ATP8A1: variants seen among roughly 807,000 people sequenced by gnomAD.
ATP8A1 encodes phospholipid-transporting ATPase IA.
Under a neutral mutation model 177.7 loss-of-function variants are expected in ATP8A1, and 90 were observed. The observed-to-expected ratio is 0.51, with a 90% confidence interval of 0.43 to 0.60. The LOEUF is 0.60. Ranked by LOEUF, ATP8A1 falls within the 20% of genes least tolerant of loss-of-function variation. The probability of loss-of-function intolerance (pLI) is 0.00; values close to 1 mark genes in which losing one functional copy is unlikely to be tolerated. For synonymous variants in ATP8A1, 493 were observed against 485.9 expected (o/e 1.01, Z -0.19); for missense variants, 1,072 against 1,392.8 (o/e 0.77, Z 3.67).
Position 42,507,046 on chromosome 4 carries a change from C to T in ATP8A1, c.2056G>A (p.Gly686Arg), listed in dbSNP as rs771579188. The T allele has an allele frequency of 1.2e-6, 2 of 1,614,084 alleles. No individual in the cohort carries two copies. The highest frequency in any genetic ancestry group is 1.7e-6 in the Non-Finnish European group (2 of 1,179,968). The change falls in exon 23 of 37, where the codon GGG becomes AGG. Residue 686 changes from glycine (G) to arginine (R), a missense_variant. Physicochemically the swap from Gly to Arg is moderately radical, Grantham distance 125. Around this residue, in one of 5 missense-constraint regions of ATP8A1, gnomAD observed 388 missense variants for 471.7 expected, o/e 0.82. Transcript: ENST00000381668. ...KADIKIWILTGDKQETAINIG... is the reference protein window; with the variant it reads ...KADIKIWILTRDKQETAINIG... ...TTAATGGCAGTTTCTTGCTTGTCCC[C>T]TGTAAGGATCCAGATTTTGATGTCT...
At chr4:42,591,843 A>G in intron 6 of ATP8A1, among the ~76,000 whole-genome samples, 1 of 152,184 alleles carries the variant, frequency 6.6e-6, no homozygotes, top group Non-Finnish European at 1.5e-5. Context: ...AAAATTGAAA[A>G]TTAAAATATT....
At chr4:42,647,246 T>C (rs1330508421) in intron 1 of ATP8A1, among the ~76,000 whole-genome samples, 1 of 152,210 alleles carries the variant, frequency 6.6e-6, no homozygotes, top group South Asian at 2.1e-4. Flanking sequence ...CAAGCTTACT[T>C]TGAGCTATGG....
At chr4:42,471,965 A>C in intron 25 of ATP8A1, 2 of 698,154 alleles carry the variant, frequency 2.9e-6, no homozygotes, top group South Asian at 2.7e-5. Flanking sequence ...AAAGAGCCTA[A>C]GTTGGTGGTG....
intron 1 of ATP8A1, among the ~76,000 whole-genome samples, chr4:42,643,428 T>C (rs1463165025): frequency 6.6e-6 from 1 of 152,222 alleles, no homozygotes; most frequent in African/African-American, 2.4e-5. Context: ...CCCAGTGTTT[T>C]CTATTTCGGT....
intron 29 of ATP8A1, among the ~76,000 whole-genome samples, chr4:42,453,056 A>G (rs1718103474): frequency 6.6e-6 from 1 of 152,166 alleles, no homozygotes; most frequent in Admixed American, 6.5e-5. Flanking sequence ...TCTTCTCCTC[A>G]CTGTGTCATT....
Position 42,503,500 on chromosome 4 carries a change from G to A in ATP8A1, c.2101C>T (p.Leu701=). 6.2e-7 allele frequency: 1 copy of A among 1,605,226 alleles called. No homozygotes were observed. The highest frequency in any genetic ancestry group is 1.1e-5 in the South Asian group (1 of 89,920). Residue 701 remains leucine (L), a synonymous_variant, in exon 24 of 37, where the codon CTG becomes TTG. Transcript: ENST00000381668. ...ATCATTCCCATGTTCTTCTTCAACA[G>A]TTTGCAGGAGTGTCCTGTATCCAAA... ...TAINIGHSCK[L]LKKNMGMIVI...
At chr4:42,495,442 G>C (rs1723170789) in intron 24 of ATP8A1, among the ~76,000 whole-genome samples, 2 of 152,174 alleles carry the variant, frequency 1.3e-5, no homozygotes, top group African/African-American at 4.8e-5. Flanking sequence ...AGCTACTGCA[G>C]GTGGTAGTAA....
chr4:42,552,199 T>C (rs375371886), intron 17 of ATP8A1, among the ~76,000 whole-genome samples: 1 of 152,204 alleles, frequency 6.6e-6, no homozygotes, highest in African/African-American at 2.4e-5. Context: ...TAAGAGTTCT[T>C]AGGTATTTAT....
At chr4:42,605,088 G>C (rs1735660663) in intron 5 of ATP8A1, among the ~76,000 whole-genome samples, 1 of 152,152 alleles carries the variant, frequency 6.6e-6, no homozygotes. Context: ...TAGAATTAAG[G>C]TTGTGGTGAT....
chr4:42,464,071 A>G (rs1719464608), intron 27 of ATP8A1, among the ~76,000 whole-genome samples: 1 of 151,948 alleles, frequency 6.6e-6, no homozygotes, highest in Non-Finnish European at 1.5e-5. Flanking sequence ...TCCATGGTGT[A>G]TTGCTTTCTT....
intron 1 of ATP8A1, among the ~76,000 whole-genome samples, chr4:42,651,299 GAA>G (rs1299726998): frequency 1.3e-5 from 2 of 152,136 alleles, no homozygotes; most frequent in Non-Finnish European, 2.9e-5. Flanking sequence ...GGGTGCTGCT[GAA>G]AAGATACTGA....
chr4:42,446,565 C>T lies in ATP8A1; in HGVS notation c.2958+18G>A, dbSNP rs1717274422. 6.2e-7 allele frequency: 1 copy of T among 1,611,100 alleles called. No homozygotes were observed. The highest frequency in any genetic ancestry group is 8.5e-7 in the Non-Finnish European group (1 of 1,177,950). On this transcript the variant is annotated intron_variant, in intron 31 of 36. Transcript: ENST00000381668. ...GTTTTGATTTTACACGCAAACGAGA[C>T]CGACATCCCGCACTCACAGTGTACA...
At position 42,522,226 on chromosome 4, in the gene ATP8A1, C is replaced by T; in HGVS notation, c.1881G>A (p.Gln627=). 2 of 1,613,806 alleles carry T rather than the reference C, an allele frequency of 1.2e-6. No individual in the cohort carries two copies. The highest frequency in any genetic ancestry group is 1.7e-6 in the Non-Finnish European group (2 of 1,179,906). Residue 627 remains glutamine (Q), a synonymous_variant, in exon 22 of 37, where the codon CAG becomes CAA. Transcript: ENST00000381668. ...TGTTCTGCACAGATGTAGATGCTCGCTGATAGACTGCTCGCCACTCCTGAA... is the reference window on the plus strand; with the variant it reads ...TGTTCTGCACAGATGTAGATGCTCGTTGATAGACTGCTCGCCACTCCTGAA... The part of the protein sequence containing the change: ...SDFQEWRAVY[Q]RASTSVQNRL...
chr4:42,559,220 A>G (rs551608477), intron 15 of ATP8A1, among the ~76,000 whole-genome samples: 8 of 152,216 alleles, frequency 5.3e-5, no homozygotes, highest in Non-Finnish European at 1.0e-4. Flanking sequence ...TTCTGCAAGA[A>G]AAGTCAAAAG....
chr4:42,637,310 C>G lies in ATP8A1; in HGVS notation c.50-10201G>C, dbSNP rs537472847. Reference sequence around the variant, plus strand: ...CAGCTGCCCTAAACAAGCTCTGAGTCCAGCACGTTCTGGGACAACTGTGGA... The same window carrying G: ...CAGCTGCCCTAAACAAGCTCTGAGTGCAGCACGTTCTGGGACAACTGTGGA... On this transcript the variant is annotated intron_variant, in intron 1 of 36. Coordinates refer to ENST00000381668, the MANE Select transcript of ATP8A1 (RefSeq NM_006095.2). The G allele has an allele frequency of 1.3e-5, 6 of 469,266 alleles. 1 individual carries two copies. Among genetic ancestry groups the G allele is most frequent in the African/African-American group, 9.9e-5 (5 of 50,392 alleles). The allele number at this position is 469,266 out of a possible 1,614,324, so 29.1% of individuals were successfully genotyped here.
At chr4:42,653,116 G>A (rs912851934) in intron 1 of ATP8A1, among the ~76,000 whole-genome samples, 5 of 152,036 alleles carry the variant, frequency 3.3e-5, no homozygotes, top group Non-Finnish European at 7.4e-5. Context: ...CCTAATTCCC[G>A]ATTCTCTCCT....
intron 1 of ATP8A1, among the ~76,000 whole-genome samples, chr4:42,636,821 C>G (rs1025716880): frequency 6.6e-6 from 1 of 152,184 alleles, no homozygotes; most frequent in Non-Finnish European, 1.5e-5. Context: ...AGTCAGCACA[C>G]AGTCCAGGCT....
At chr4:42,538,259 A>AAATCAACTC in intron 20 of ATP8A1, among the ~76,000 whole-genome samples, 1 of 152,310 alleles carries the variant, frequency 6.6e-6, no homozygotes, top group Non-Finnish European at 1.5e-5. Context: ...TCTTAGACAA[A>AAATCAACTC]AATCAACTCA....
chr4:42,570,095 G>T (rs1009638345), intron 14 of ATP8A1, among the ~76,000 whole-genome samples: 1 of 152,128 alleles, frequency 6.6e-6, no homozygotes, highest in African/African-American at 2.4e-5. Flanking sequence ...AAACTCATGG[G>T]ATCCTTTCAC....
Sources: gnomAD v4.1 joint callset for allele counts (sites outside exome capture counted in the v4.1 genomes callset) on GRCh38, gnomAD v4.1.1 for gene constraint, gnomAD v4.1.1 regional missense constraint, MANE v1.5 for transcripts, NCBI Gene and HGNC (gene_info 2026-07-23, HGNC 2026-07-21) for gene names.